COLQ: variants seen among roughly 807,000 people sequenced by gnomAD.
COLQ encodes acetylcholinesterase collagenic tail peptide.
COLQ carries 48 observed loss-of-function variants against 69.0 expected under a neutral mutation model. The ratio of observed to expected loss-of-function variants is 0.70; its 90% CI spans 0.55 to 0.88. The LOEUF is 0.88. COLQ is among the 40% of genes least tolerant of loss of function. COLQ has a pLI of 0.00. For missense variants in COLQ, 618 were observed against 594.6 expected, an observed-to-expected ratio of 1.04 and a Z score of -0.41; for synonymous variants, 217 against 211.2, an observed-to-expected ratio of 1.03 and a Z score of -0.24.
Position 15,493,993 on chromosome 3 carries a change from G to A in COLQ, c.107-4356C>T, listed in dbSNP as rs140126891. On this transcript the variant is annotated intron_variant, in intron 1 of 16. Coordinates refer to ENST00000383788, the MANE Select transcript of COLQ (RefSeq NM_005677.4). ...AGCTACTTGGGAGGCTGAGGCAGGAGAATTGCTTGAACTTGGGAGGCAGAG... is the reference window on the plus strand; with the variant it reads ...AGCTACTTGGGAGGCTGAGGCAGGAAAATTGCTTGAACTTGGGAGGCAGAG... Among the ~76,000 whole-genome samples, 60 of 152,366 alleles carry A rather than the reference G, an allele frequency of 3.9e-4. 1 individual carries two copies. The highest frequency in any genetic ancestry group is 1.4e-3 in the African/African-American group (57 of 41,586).
At chr3:15,501,287 C>T (rs1042524776) in intron 1 of COLQ, among the ~76,000 whole-genome samples, 3 of 152,220 alleles carry the variant, frequency 2.0e-5, no homozygotes, top group East Asian at 3.8e-4. Context: ...GGAGCTGTTC[C>T]AGGTGCTCCT....
intron 1 of COLQ, among the ~76,000 whole-genome samples, chr3:15,504,021 T>C (rs1254009815): frequency 6.6e-6 from 1 of 151,894 alleles, no homozygotes; most frequent in African/African-American, 2.4e-5. Context: ...CTCCCATGAG[T>C]AAACAATCTC....
chr3:15,477,583 TC>T (rs888686243), intron 5 of COLQ: 16 of 238,910 alleles, frequency 6.7e-5, no homozygotes, highest in African/African-American at 3.2e-4. Flanking sequence ...TCTTTCAAGG[TC>T]TTTTTGACCT....
chr3:15,453,491 C>T (rs941212857), intron 16 of COLQ, among the ~76,000 whole-genome samples: 1 of 152,248 alleles, frequency 6.6e-6, no homozygotes, highest in Admixed American at 6.5e-5. Context: ...CCTAGGCCCA[C>T]AGCCCAGGAG....
chr3:15,491,198 AAAAAG>A (rs1200938042), intron 1 of COLQ, among the ~76,000 whole-genome samples: 2 of 152,154 alleles, frequency 1.3e-5, no homozygotes, highest in African/African-American at 4.8e-5. Flanking sequence ...AAGAAGAAAA[AAAAAG>A]AAAAGTGGGT....
chr3:15,476,476 G>A (rs555831638), intron 6 of COLQ, among the ~76,000 whole-genome samples: 1 of 152,304 alleles, frequency 6.6e-6, no homozygotes, highest in Non-Finnish European at 1.5e-5. Flanking sequence ...CTTTTCCTAA[G>A]AGGACTGGAC....
intron 5 of COLQ, 62 bp from the exon 6 acceptor site, chr3:15,477,259 T>C (rs2062395687): frequency 1.4e-6 from 2 of 1,469,546 alleles, no homozygotes; most frequent in South Asian, 1.2e-5. Context: ...CTAATAAATA[T>C]GTTTTGTCTC....
At chr3:15,518,729 C>T (rs1234674100) in intron 1 of COLQ, among the ~76,000 whole-genome samples, 1 of 152,172 alleles carries the variant, frequency 6.6e-6, no homozygotes, top group Non-Finnish European at 1.5e-5. Context: ...CCATCACAAC[C>T]CCTTTCCGGG....
intron 1 of COLQ, among the ~76,000 whole-genome samples, chr3:15,520,620 G>C (rs1406344841): frequency 6.6e-6 from 1 of 152,194 alleles, no homozygotes; most frequent in Admixed American, 6.5e-5. Flanking sequence ...GGTGAATTGA[G>C]GGGGGCTGTG....
At chr3:15,511,432 G>A (rs1559533256) in intron 1 of COLQ, among the ~76,000 whole-genome samples, 1 of 152,176 alleles carries the variant, frequency 6.6e-6, no homozygotes, top group Non-Finnish European at 1.5e-5. Context: ...GGGAAGTAAG[G>A]GCCAGAGCAG....
At chr3:15,505,189 G>A (rs1036191852) in intron 1 of COLQ, among the ~76,000 whole-genome samples, 5 of 152,212 alleles carry the variant, frequency 3.3e-5, no homozygotes, top group Admixed American at 1.3e-4. Context: ...AGGCACCAGT[G>A]CCACCTGGAG....
At chr3:15,465,556 G>A (rs933532466) in intron 12 of COLQ, among the ~76,000 whole-genome samples, 6 of 140,054 alleles carry the variant, frequency 4.3e-5, no homozygotes, top group Non-Finnish European at 6.2e-5. Context: ...GTGACCCACC[G>A]CGCCCAGCCA....
chr3:15,466,791 T>TA lies in COLQ; in HGVS notation c.718-355_718-354insT, dbSNP rs372659062. Among the ~76,000 whole-genome samples, 374 of 152,346 alleles carry TA rather than the reference T, an allele frequency of 2.5e-3. 2 individuals carry two copies. Among genetic ancestry groups the TA allele is most frequent in the African/African-American group, 8.5e-3 (353 of 41,578 alleles). On this transcript the variant is annotated intron_variant, in intron 11 of 16. Transcript: ENST00000383788. Reference sequence around the variant, plus strand: ...GTTGCACTCAGGATAAAGACTTAGCTCTTTACTGCAGCCTGCGAAGCCTTG... The same window carrying TA: ...GTTGCACTCAGGATAAAGACTTAGCTACTTTACTGCAGCCTGCGAAGCCTTG...
At chr3:15,457,999 T>G (rs1316509047) in intron 13 of COLQ, among the ~76,000 whole-genome samples, 187 bp downstream of exon 13, 1 of 152,210 alleles carries the variant, frequency 6.6e-6, no homozygotes, top group Non-Finnish European at 1.5e-5. Context: ...CAAAATGGAC[T>G]CACAATCAAA....
chr3:15,475,565 G>T, intron 6 of COLQ, 78 bp from the exon 7 acceptor site: 1 of 1,367,146 alleles, frequency 7.3e-7, no homozygotes, highest in Non-Finnish European at 1.0e-6. Flanking sequence ...AGGCAAGATT[G>T]GGAAGGAACT....
At chr3:15,495,720 G>A (rs977154313) in intron 1 of COLQ, among the ~76,000 whole-genome samples, 2 of 152,176 alleles carry the variant, frequency 1.3e-5, no homozygotes, top group Non-Finnish European at 2.9e-5. Flanking sequence ...TTTCTCAGTG[G>A]TAAAATAATA....
At chr3:15,475,117 T>C in intron 7 of COLQ, 166 bp from the exon 8 acceptor site, 1 of 785,146 alleles carries the variant, frequency 1.3e-6, no homozygotes, top group East Asian at 2.5e-5. Flanking sequence ...CAGAGGGTTG[T>C]GGTTATACCA....
At chr3:15,507,525 G>A (rs1433910674) in intron 1 of COLQ, among the ~76,000 whole-genome samples, 1 of 152,218 alleles carries the variant, frequency 6.6e-6, no homozygotes, top group Non-Finnish European at 1.5e-5. Context: ...TGCAATCACA[G>A]TTCACTGCAG....
intron 10 of COLQ, among the ~76,000 whole-genome samples, chr3:15,472,692 CCTTGTTCTT>C (rs2062307843): frequency 6.6e-6 from 1 of 151,966 alleles, no homozygotes; most frequent in Non-Finnish European, 1.5e-5. Context: ...CCTCAACTAC[CCTTGTTCTT>C]CTTCCCCAAC....
Sources: gnomAD v4.1 joint callset for allele counts (sites outside exome capture counted in the v4.1 genomes callset) on GRCh38, gnomAD v4.1.1 for gene constraint, MANE v1.5 for transcripts, NCBI Gene and HGNC (gene_info 2026-07-23, HGNC 2026-07-21) for gene names.